Variants in KCNH1 observed in about 807,000 individuals in gnomAD.
KCNH1 encodes the protein voltage-gated delayed rectifier potassium channel KCNH1.
A neutral mutation model predicts 69.2 loss-of-function variants in KCNH1; 27 were observed. The ratio of observed to expected loss-of-function variants is 0.39; its 90% CI spans 0.29 to 0.54. The LOEUF (loss-of-function observed/expected upper bound fraction) is 0.54. Ranked by LOEUF, KCNH1 falls within the 20% of genes least tolerant of loss-of-function variation. The pLI, the probability that KCNH1 is intolerant of heterozygous loss-of-function variation, is 0.68. For synonymous variants in KCNH1, 456 were observed against 487.7 expected, an observed-to-expected ratio of 0.93 and a Z score of 0.86; for missense variants, 798 against 1,261.6, an observed-to-expected ratio of 0.63 and a Z score of 5.57.
intron 5 of KCNH1, among the ~76,000 whole-genome samples, chr1:211,036,906 C>A (rs989301790): frequency 1.3e-5 from 2 of 152,202 alleles, no homozygotes; most frequent in Non-Finnish European, 1.5e-5. Flanking sequence ...CACTAGTCCA[C>A]ACTCTCCCTA....
intron 10 of KCNH1, among the ~76,000 whole-genome samples, chr1:210,701,007 G>A (rs1034343983): frequency 2.0e-5 from 3 of 151,876 alleles, no homozygotes; most frequent in Admixed American, 6.6e-5. Flanking sequence ...GCGCGATCTC[G>A]GCTCACTGCA....
intron 6 of KCNH1, among the ~76,000 whole-genome samples, chr1:210,948,625 C>T (rs900453860): frequency 2.6e-5 from 4 of 151,738 alleles, no homozygotes; most frequent in African/African-American, 7.3e-5. Flanking sequence ...GTCAGGAGAT[C>T]GAGACCATCC....
At chr1:210,935,093 T>C (rs57714920) in intron 6 of KCNH1, among the ~76,000 whole-genome samples, 7,279 of 145,062 alleles carry the variant, frequency 0.05, 571 homozygotes, top group African/African-American at 0.17. Context: ...CTTAGTGTCA[T>C]CAACAGATAA....
intron 7 of KCNH1, among the ~76,000 whole-genome samples, chr1:210,830,940 G>A (rs1220618059): frequency 6.6e-6 from 1 of 152,164 alleles, no homozygotes; most frequent in African/African-American, 2.4e-5. Flanking sequence ...CTTCAATTAA[G>A]GAATGTATTT....
At chr1:211,019,841 A>C (rs1041804430) in intron 5 of KCNH1, among the ~76,000 whole-genome samples, 1 of 152,228 alleles carries the variant, frequency 6.6e-6, no homozygotes, top group Non-Finnish European at 1.5e-5. Flanking sequence ...TAGAAATCAA[A>C]ACATGTGGAA....
At chr1:211,027,848 G>T (rs2102420286) in intron 5 of KCNH1, among the ~76,000 whole-genome samples, 1 of 151,730 alleles carries the variant, frequency 6.6e-6, no homozygotes, top group East Asian at 1.9e-4. Context: ...AAAATCAAAA[G>T]GAGAAACAGA....
At chr1:211,005,103 A>G (rs913525986) in intron 6 of KCNH1, among the ~76,000 whole-genome samples, 2 of 152,134 alleles carry the variant, frequency 1.3e-5, no homozygotes, top group Non-Finnish European at 2.9e-5. Context: ...CAGCATCACT[A>G]CATATCTTAC....
intron 5 of KCNH1, among the ~76,000 whole-genome samples, chr1:211,062,284 AC>A (rs1433651934): frequency 6.6e-6 from 1 of 152,126 alleles, no homozygotes; most frequent in East Asian, 1.9e-4. Context: ...ATGAAATTAG[AC>A]CCCTATCTTG....
At chr1:211,102,484 G>A (rs1691275851) in intron 3 of KCNH1, among the ~76,000 whole-genome samples, 1 of 152,102 alleles carries the variant, frequency 6.6e-6, no homozygotes, top group African/African-American at 2.4e-5. Flanking sequence ...CTGGAGCAAG[G>A]CAACAAATCC....
chr1:210,948,784 C>A (rs994898900), intron 6 of KCNH1, among the ~76,000 whole-genome samples: 4 of 150,644 alleles, frequency 2.7e-5, no homozygotes. Flanking sequence ...GCCGAGATCA[C>A]GCCACTGCCC....
rs1333537343 is a variant in KCNH1, at chr1:211,082,773, C to T, written c.558+7G>A. On this transcript the variant is annotated splice_region_variant and intron_variant, in intron 5 of 10. Transcript: ENST00000271751. ...AGGCTCAAGATGAGCTAACCCTTTGCCCTTACCTCTGCCAGGCGGGAGTGC... is the reference window on the plus strand; with the variant it reads ...AGGCTCAAGATGAGCTAACCCTTTGTCCTTACCTCTGCCAGGCGGGAGTGC... The T allele has an allele frequency of 2.5e-6, 4 of 1,609,218 alleles. 1 individual carries two copies. Among genetic ancestry groups the T allele is most frequent in the South Asian group, 1.1e-5 (1 of 90,690 alleles).
chr1:210,929,123 A>G (rs770660958), intron 6 of KCNH1, among the ~76,000 whole-genome samples: 1 of 152,166 alleles, frequency 6.6e-6, no homozygotes. Context: ...GTATCAATCT[A>G]CTGACACCAT....
At chr1:210,910,439 A>G (rs1687207605) in intron 7 of KCNH1, among the ~76,000 whole-genome samples, 1 of 152,276 alleles carries the variant, frequency 6.6e-6, no homozygotes, top group African/African-American at 2.4e-5. Flanking sequence ...ACAGGTGCTC[A>G]GCCCCTTTCT....
chr1:210,831,445 G>C (rs11119614), intron 7 of KCNH1, among the ~76,000 whole-genome samples: 18,361 of 152,170 alleles, frequency 0.12, 1,169 homozygotes, highest in East Asian at 0.19. Flanking sequence ...GATTAAGATA[G>C]ACTGAGAAAG....
intron 7 of KCNH1, among the ~76,000 whole-genome samples, chr1:210,874,547 T>C (rs1686325397): frequency 6.6e-6 from 1 of 152,130 alleles, no homozygotes; most frequent in Non-Finnish European, 1.5e-5. Flanking sequence ...TATTCACAAA[T>C]AGTGAATACC....
At chr1:210,881,509 C>G (rs1035972129) in intron 7 of KCNH1, among the ~76,000 whole-genome samples, 1 of 152,182 alleles carries the variant, frequency 6.6e-6, no homozygotes, top group Non-Finnish European at 1.5e-5. Flanking sequence ...AGCAATCCTA[C>G]TACTTGTTAT....
At chr1:210,786,718 T>C (rs1684111752) in intron 9 of KCNH1, among the ~76,000 whole-genome samples, 1 of 152,134 alleles carries the variant, frequency 6.6e-6, no homozygotes, top group Non-Finnish European at 1.5e-5. Flanking sequence ...AACCCACAGA[T>C]CTAAAAATGG....
chr1:210,873,863 G>A (rs964693163), intron 7 of KCNH1, among the ~76,000 whole-genome samples: 2 of 152,120 alleles, frequency 1.3e-5, no homozygotes, highest in Non-Finnish European at 2.9e-5. Context: ...AGATAGTAGT[G>A]AAAAAATAGA....
At chr1:211,051,321 T>C (rs1690201179) in intron 5 of KCNH1, among the ~76,000 whole-genome samples, 1 of 152,156 alleles carries the variant, frequency 6.6e-6, no homozygotes, top group South Asian at 2.1e-4. Context: ...TCTGCCTGTG[T>C]GGGCCCTTCA....
Sources: gnomAD v4.1 joint callset for allele counts (sites outside exome capture counted in the v4.1 genomes callset) on GRCh38, gnomAD v4.1.1 for gene constraint, MANE v1.5 for transcripts, NCBI Gene and HGNC (gene_info 2026-07-23, HGNC 2026-07-21) for gene names.